SPHKAP: variants seen among roughly 807,000 people sequenced by gnomAD.
SPHKAP encodes the protein A-kinase anchor protein SPHKAP.
Under a neutral mutation model 137.5 loss-of-function variants are expected in SPHKAP, and 67 were observed. The ratio of observed to expected loss-of-function variants is 0.49; its 90% CI spans 0.40 to 0.60. The LOEUF (loss-of-function observed/expected upper bound fraction) is 0.60, where lower values mean the gene tolerates loss of function less well. Among genes scored for constraint, SPHKAP ranks in the 20% least tolerant of loss-of-function variants. The pLI is 0.00. For synonymous variants in SPHKAP, 813 were observed against 785.3 expected (o/e 1.04, Z -0.59); for missense variants, 2,097 against 2,069.3 (o/e 1.01, Z -0.26).
Position 228,017,911 on chromosome 2 carries a change from C to T in SPHKAP, c.2943G>A (p.Arg981=), listed in dbSNP as rs1184505350. The part of the protein sequence containing the change: ...TPNVPCRSLK[R]KKESQGSGTA... Reference sequence around the variant, plus strand: ...TCCCGCTCCCCTGGCTCTCTTTCTTCCTCTTCAAGGATCGGCAGGGTACGT... The same window carrying T: ...TCCCGCTCCCCTGGCTCTCTTTCTTTCTCTTCAAGGATCGGCAGGGTACGT... Residue 981 remains arginine (R), a synonymous_variant, in exon 7 of 12, where the codon AGG becomes AGA. Coordinates refer to ENST00000392056, the MANE Select transcript of SPHKAP (RefSeq NM_001142644.2). 1.2e-6 allele frequency: 2 copies of T among 1,614,176 alleles called. No individual in the cohort carries two copies. Among genetic ancestry groups the T allele is most frequent in the Admixed American group, 1.7e-5 (1 of 60,020 alleles).
intron 4 of SPHKAP, 27 bp from the exon 5 acceptor site, chr2:228,025,555 T>TA: frequency 6.2e-7 from 1 of 1,609,440 alleles, no homozygotes; most frequent in Non-Finnish European, 8.5e-7. Context: ...TTTATTAGTT[T>TA]AGCTGATTTC....
intron 3 of SPHKAP, among the ~76,000 whole-genome samples, chr2:228,031,590 C>T (rs982650927): frequency 3.9e-5 from 6 of 152,106 alleles, no homozygotes; most frequent in South Asian, 2.1e-4. Flanking sequence ...CCTTGACCCC[C>T]GAGCAGCCTA....
chr2:227,988,633 C>T (rs1693300676), intron 11 of SPHKAP, among the ~76,000 whole-genome samples: 1 of 152,182 alleles, frequency 6.6e-6, no homozygotes, highest in Non-Finnish European at 1.5e-5. Flanking sequence ...TGAAAATCTA[C>T]CATGTCATGC....
In SPHKAP at chr2:227,980,573, T is replaced by A. The variant is rs1449020889; in HGVS notation, c.*1144A>T. Reference sequence around the variant, plus strand: ...TTTTCAAAAGAGTAAATCTCTGTTATTAAAATAACTAAAATGTGTCAAAGT... The same window carrying A: ...TTTTCAAAAGAGTAAATCTCTGTTAATAAAATAACTAAAATGTGTCAAAGT... On this transcript the variant is annotated 3_prime_UTR_variant, in exon 12 of 12. Coordinates refer to ENST00000392056, the MANE Select transcript of SPHKAP (RefSeq NM_001142644.2). The A allele has an allele frequency of 1.3e-5, 2 of 152,210 alleles. No homozygotes were observed. Among genetic ancestry groups the A allele is most frequent in the African/African-American group, 4.8e-5 (2 of 41,456 alleles). The allele number at this position is 152,210 out of a possible 1,614,324, so 9.4% of individuals were successfully genotyped here. A position where few individuals can be genotyped will look rare whatever the true frequency, so the allele number is the denominator to read the frequency against.
intron 3 of SPHKAP, among the ~76,000 whole-genome samples, chr2:228,043,246 A>G (rs530914314): frequency 9.2e-5 from 14 of 152,228 alleles, no homozygotes; most frequent in Non-Finnish European, 1.8e-4. Flanking sequence ...CATAATTTCA[A>G]TTTCTCAACA....
At chr2:228,029,945 C>A (rs760551027) in intron 3 of SPHKAP, among the ~76,000 whole-genome samples, 1 of 152,108 alleles carries the variant, frequency 6.6e-6, no homozygotes, top group African/African-American at 2.4e-5. Flanking sequence ...CAAAGAAAGG[C>A]CTCTATAGTA....
At position 228,040,766 on chromosome 2, in the gene SPHKAP, C is replaced by T. The variant is rs190680555; in HGVS notation, c.247-13223G>A. ...AAAATTAAAAAAATAAGTATGCACT[C>T]AAGATAATTGTCTATTTTGCCATAA... On this transcript the variant is annotated intron_variant, in intron 3 of 11. Coordinates refer to ENST00000392056, the MANE Select transcript of SPHKAP (RefSeq NM_001142644.2). 2.0e-4 allele frequency among the ~76,000 whole-genome samples: 30 copies of T among 152,132 alleles called. No homozygotes were observed. In the East Asian group the frequency reaches 2.3e-3, roughly 12 times the overall value.
At chr2:228,045,587 G>A (rs539782317) in intron 3 of SPHKAP, among the ~76,000 whole-genome samples, 108 of 151,970 alleles carry the variant, frequency 7.1e-4, no homozygotes, top group African/African-American at 2.5e-3. Context: ...ATCACACAGC[G>A]GGGACTGTTG....
intron 1 of SPHKAP, among the ~76,000 whole-genome samples, chr2:228,164,802 C>T (rs1488579164): frequency 6.6e-6 from 1 of 152,208 alleles, no homozygotes; most frequent in East Asian, 1.9e-4. Context: ...GCTGGTCTGG[C>T]TGCCAGAGCA....
In SPHKAP at chr2:228,018,910, C is replaced by T; in HGVS notation, c.1944G>A (p.Met648Ile). Residue 648 changes from methionine to isoleucine, a missense_variant, in exon 7 of 12, where the codon ATG becomes ATA. Physicochemically the swap from Met to Ile is conservative, Grantham distance 10. Transcript: ENST00000392056. ...DFLDSMNRRI[M>I]ETASKSQTLC... ...GGGTCTGAGACTTTGAAGCAGTTTC[C>T]ATGATTCTCCTGTTCATGGAGTCCA... 1 of 1,614,144 alleles carries T rather than the reference C, an allele frequency of 6.2e-7. No individual in the cohort carries two copies.
At chr2:228,112,491 C>T (rs749004180) in intron 2 of SPHKAP, among the ~76,000 whole-genome samples, 9 of 152,120 alleles carry the variant, frequency 5.9e-5, no homozygotes, top group South Asian at 2.1e-4. Context: ...CGGTATCAGC[C>T]TTAGGAAGGT....
intron 3 of SPHKAP, among the ~76,000 whole-genome samples, chr2:228,068,883 G>T (rs1696913503): frequency 6.6e-6 from 1 of 152,174 alleles, no homozygotes; most frequent in South Asian, 2.1e-4. Context: ...TCAGTTTTAA[G>T]GATTCACTTT....
At chr2:227,998,652 C>T (rs971787920) in intron 7 of SPHKAP, among the ~76,000 whole-genome samples, 3 of 152,080 alleles carry the variant, frequency 2.0e-5, no homozygotes, top group African/African-American at 7.2e-5. Context: ...AGACCCTTTC[C>T]CGGTGAGGAT....
chr2:227,987,965 T>C (rs1399201722), intron 11 of SPHKAP, among the ~76,000 whole-genome samples: 1 of 152,174 alleles, frequency 6.6e-6, no homozygotes, highest in Non-Finnish European at 1.5e-5. Context: ...TTTCTGGACT[T>C]TGTAGAGACT....
chr2:227,991,738 T>A (rs990262903), intron 9 of SPHKAP: 55 of 943,782 alleles, frequency 5.8e-5, no homozygotes, highest in Non-Finnish European at 1.9e-5. Flanking sequence ...TATGTTCCCA[T>A]CTTGTCACAA....
chr2:228,020,216 T>C, intron 6 of SPHKAP, 60 bp from the exon 7 acceptor site: 1 of 1,516,512 alleles, frequency 6.6e-7, no homozygotes, highest in East Asian at 2.3e-5. Flanking sequence ...CCATAAGTCT[T>C]AAGTAATAAT....
chr2:228,013,658 C>G (rs1050548400), intron 7 of SPHKAP, among the ~76,000 whole-genome samples: 2 of 152,002 alleles, frequency 1.3e-5, no homozygotes, highest in African/African-American at 4.8e-5. Context: ...CAGGCGAGGC[C>G]CTGAGTTGAG....
At chr2:228,036,922 T>C (rs1319434185) in intron 3 of SPHKAP, among the ~76,000 whole-genome samples, 3 of 152,008 alleles carry the variant, frequency 2.0e-5, no homozygotes, top group Non-Finnish European at 4.4e-5. Flanking sequence ...TTAGGACATA[T>C]ACCTAATGCT....
chr2:228,085,740 T>C (rs1315138431), intron 3 of SPHKAP, among the ~76,000 whole-genome samples: 1 of 152,174 alleles, frequency 6.6e-6, no homozygotes, highest in African/African-American at 2.4e-5. Context: ...CGTTACAGGT[T>C]TTCAGATTAA....
Sources: allele counts gnomAD v4.1 joint callset (sites outside exome capture counted in the v4.1 genomes callset), GRCh38; gene constraint gnomAD v4.1.1; transcripts MANE v1.5; gene names NCBI Gene and HGNC (gene_info 2026-07-23, HGNC 2026-07-21).